The following ASAH2 variants were observed in gnomAD, a reference collection of about 807,000 sequenced individuals.
ASAH2 encodes N-acylsphingosine amidohydrolase 2.
Under a neutral mutation model 82.9 loss-of-function variants are expected in ASAH2, and 58 were observed. The ratio of observed to expected loss-of-function variants is 0.70; its 90% CI spans 0.57 to 0.87. The LOEUF (loss-of-function observed/expected upper bound fraction) is 0.87, where lower values mean the gene tolerates loss of function less well. Among genes scored for constraint, ASAH2 ranks in the 40% least tolerant of loss-of-function variants. The pLI is 0.00. For missense variants in ASAH2, 779 were observed against 834.0 expected (o/e 0.93, Z 0.81); for synonymous variants, 276 against 289.7 (o/e 0.95, Z 0.48).
chr10:50,194,305 C>G (rs1171694210), intron 18 of ASAH2, among the ~76,000 whole-genome samples: 1 of 151,392 alleles, frequency 6.6e-6, no homozygotes, highest in African/African-American at 2.4e-5. Flanking sequence ...GGATTATACA[C>G]CATGACTAAA....
At chr10:50,213,788 A>C (rs1714157037) in intron 9 of ASAH2, among the ~76,000 whole-genome samples, 1 of 152,158 alleles carries the variant, frequency 6.6e-6, no homozygotes, top group South Asian at 2.1e-4. Context: ...CTAAGACTTT[A>C]ATATATTAGG....
At chr10:50,244,575 G>A (rs956224533) in intron 3 of ASAH2, among the ~76,000 whole-genome samples, 3 of 152,166 alleles carry the variant, frequency 2.0e-5, no homozygotes, top group African/African-American at 7.2e-5. Flanking sequence ...ACATAAATGG[G>A]TATTTCCATC....
intron 9 of ASAH2, 50 bp from the exon 10 acceptor site, chr10:50,213,108 T>G: frequency 6.8e-7 from 1 of 1,468,990 alleles, no homozygotes; most frequent in Non-Finnish European, 9.5e-7. Context: ...AGAAATTATT[T>G]TAAGGAATAA....
At chr10:50,231,816 G>A (rs1253209738) in intron 7 of ASAH2, among the ~76,000 whole-genome samples, 1 of 152,078 alleles carries the variant, frequency 6.6e-6, no homozygotes, top group Admixed American at 6.5e-5. Context: ...CTAATATGCT[G>A]GTAATGGAAT....
At chr10:50,234,258 C>T (rs1252135290) in intron 6 of ASAH2, among the ~76,000 whole-genome samples, 167 bp downstream of exon 6, 4 of 151,952 alleles carry the variant, frequency 2.6e-5, no homozygotes, top group Non-Finnish European at 5.9e-5. Flanking sequence ...TCTACATTCA[C>T]TTTTTGTTTC....
chr10:50,206,098 C>T lies in ASAH2; in HGVS notation c.1415-1G>A, dbSNP rs975623984. On this transcript the variant is annotated splice_acceptor_variant, in intron 12 of 20. Coordinates refer to ENST00000682911, the MANE Select transcript of ASAH2 (RefSeq NM_019893.4). LOFTEE classifies it high-confidence loss of function. ...CAAAATGGATCCCCTTCTGTTTTCC[C>T]TATTAGAAATGTTATAATTAGTATA... 5.0e-6 allele frequency: 8 copies of T among 1,605,400 alleles called. No homozygotes were observed. The African/African-American group carries it at 9.4e-5, about 19-fold the overall frequency.
intron 8 of ASAH2, among the ~76,000 whole-genome samples, chr10:50,217,456 T>C (rs1589336944): frequency 6.6e-6 from 1 of 152,262 alleles, no homozygotes; most frequent in East Asian, 1.9e-4. Context: ...CTCGAACTCC[T>C]GACCTCATGA....
chr10:50,219,462 G>A, intron 7 of ASAH2, among the ~76,000 whole-genome samples: 1 of 152,104 alleles, frequency 6.6e-6, no homozygotes, highest in South Asian at 2.1e-4. Context: ...GCCTTTGTAG[G>A]CTCAAACCCT....
intron 8 of ASAH2, 27 bp downstream of exon 8, chr10:50,218,483 G>T: frequency 6.2e-7 from 1 of 1,613,552 alleles, no homozygotes; most frequent in East Asian, 2.2e-5. Flanking sequence ...GAATCAAGAT[G>T]AAGCTTTCAA....
intron 7 of ASAH2, among the ~76,000 whole-genome samples, chr10:50,222,650 A>G (rs1440940939): frequency 1.3e-5 from 2 of 152,194 alleles, no homozygotes; most frequent in African/African-American, 2.4e-5. Context: ...GAAAATTAAA[A>G]TAAAATAAGT....
chr10:50,238,234 G>A (rs1013306783), intron 4 of ASAH2, among the ~76,000 whole-genome samples: 1 of 152,060 alleles, frequency 6.6e-6, no homozygotes, highest in Non-Finnish European at 1.5e-5. Context: ...GCTGGTAAGT[G>A]GGGAGTAGCA....
At chr10:50,244,324 T>C (rs1589360227) in intron 3 of ASAH2, among the ~76,000 whole-genome samples, 1 of 152,114 alleles carries the variant, frequency 6.6e-6, no homozygotes, top group Admixed American at 6.6e-5. Context: ...CATACACCTA[T>C]CCCAAGCCAC....
chr10:50,243,480 G>T lies in ASAH2; in HGVS notation c.361-129C>A, dbSNP rs557177755. ...CATCCACATGACATGGTGGCTCTGA[G>T]TGAGAGGATATATGTTTCAAAAATT... On this transcript the variant is annotated intron_variant, in intron 3 of 20. Coordinates refer to ENST00000682911, the MANE Select transcript of ASAH2 (RefSeq NM_019893.4). The T allele has an allele frequency of 2.6e-5, 25 of 966,804 alleles. No individual in the cohort carries two copies. The African/African-American group carries it at 4.0e-4, about 15-fold the overall frequency. The allele number at this position is 966,804 out of a possible 1,614,324, so 59.9% of individuals were successfully genotyped here.
chr10:50,214,174 G>A (rs879132736), intron 9 of ASAH2, among the ~76,000 whole-genome samples: 114,329 of 151,596 alleles, frequency 0.75, 45,353 homozygotes, highest in Non-Finnish European at 0.88. Flanking sequence ...TGTTGTTTAT[G>A]AATGCATAGG....
At chr10:50,207,576 G>A (rs1463294600) in intron 12 of ASAH2, among the ~76,000 whole-genome samples, 4 of 150,856 alleles carry the variant, frequency 2.7e-5, no homozygotes, top group African/African-American at 9.7e-5. Context: ...TAGATAAAAT[G>A]GAAAAATTTC....
chr10:50,210,031 G>A (rs1477427773), intron 12 of ASAH2, among the ~76,000 whole-genome samples: 1 of 152,032 alleles, frequency 6.6e-6, no homozygotes, highest in African/African-American at 2.4e-5. Context: ...TGCACTCCTA[G>A]ATATATACCC....
intron 7 of ASAH2, among the ~76,000 whole-genome samples, chr10:50,230,541 G>A (rs1034480466): frequency 5.3e-5 from 8 of 152,120 alleles, no homozygotes; most frequent in Non-Finnish European, 1.2e-4. Flanking sequence ...AATTGCAGGA[G>A]CAATTACATC....
chr10:50,245,340 G>T lies in ASAH2; in HGVS notation c.242C>A (p.Ala81Asp). 1.9e-6 allele frequency: 3 copies of T among 1,614,046 alleles called. No individual in the cohort carries two copies. Among genetic ancestry groups the T allele is most frequent in the Non-Finnish European group, 2.5e-6 (3 of 1,179,968 alleles). The change falls in exon 3 of 21, where the codon GCC becomes GAC. Residue 81 changes from alanine to aspartate, a missense_variant. Transcript: ENST00000682911. Reference sequence around the variant, plus strand: ...TAAAGGCACTGGAGAAGTTTGAGTGGCTGTGGAGCTCTGGGTGGCTGTGGA... The same window carrying T: ...TAAAGGCACTGGAGAAGTTTGAGTGTCTGTGGAGCTCTGGGTGGCTGTGGA... The part of the protein sequence containing the change: ...QHSTATQSST[A>D]TQTSPVPLTP...
chr10:50,197,902 C>A (rs1845027052), intron 17 of ASAH2, among the ~76,000 whole-genome samples: 1 of 151,292 alleles, frequency 6.6e-6, no homozygotes, highest in Admixed American at 6.6e-5. Flanking sequence ...TCTGAATGAC[C>A]TACAAATAGA....
Sources: allele counts gnomAD v4.1 joint callset (sites outside exome capture counted in the v4.1 genomes callset), GRCh38; gene constraint gnomAD v4.1.1; transcripts MANE v1.5; gene names NCBI Gene and HGNC (gene_info 2026-07-23, HGNC 2026-07-21).